The following RARB variants were observed in gnomAD, a reference collection of about 807,000 sequenced individuals.
RARB encodes the protein retinoic acid receptor beta, also known as HBV-activated protein.
In RARB, 17 loss-of-function variants were observed where a neutral mutation model predicts 51.9. That is an observed-to-expected ratio of 0.33 (90% CI 0.22 to 0.49). The LOEUF (loss-of-function observed/expected upper bound fraction) is 0.49, where lower values mean the gene tolerates loss of function less well. Among genes scored for constraint, RARB ranks in the 20% least tolerant of loss-of-function variants. RARB has a pLI of 0.99. For synonymous variants in RARB, 215 were observed against 195.4 expected, an observed-to-expected ratio of 1.10 and a Z score of -0.84; for missense variants, 369 against 550.8, an observed-to-expected ratio of 0.67 and a Z score of 3.30.
intron 2 of RARB, among the ~76,000 whole-genome samples, chr3:24,985,543 A>C (rs1696770308): frequency 1.3e-5 from 2 of 152,202 alleles, no homozygotes; most frequent in South Asian, 4.1e-4. Flanking sequence ...GGAAAAATTT[A>C]AAGGAGGATC....
At chr3:24,850,235 A>C (rs1306935490) in intron 1 of RARB, among the ~76,000 whole-genome samples, 2 of 152,174 alleles carry the variant, frequency 1.3e-5, no homozygotes, top group African/African-American at 4.8e-5. Context: ...TTTCCACCAC[A>C]TGAATTTTCA....
chr3:25,182,836 G>T (rs1178261028), intron 5 of RARB, among the ~76,000 whole-genome samples: 2 of 152,174 alleles, frequency 1.3e-5, no homozygotes, highest in East Asian at 3.9e-4. Context: ...GAGGTTATTA[G>T]GGTGAGCCCT....
intron 4 of RARB, among the ~76,000 whole-genome samples, chr3:25,575,680 A>C: frequency 6.6e-6 from 1 of 151,760 alleles, no homozygotes. Flanking sequence ...CCAGATTTCC[A>C]CATTTTTTTT....
chr3:25,010,311 T>C (rs1445122915), intron 2 of RARB, among the ~76,000 whole-genome samples: 1 of 152,106 alleles, frequency 6.6e-6, no homozygotes, highest in Non-Finnish European at 1.5e-5. Flanking sequence ...GTACAAATTA[T>C]AAGAATTTTT....
intron 2 of RARB, among the ~76,000 whole-genome samples, chr3:24,882,717 A>G (rs1244602811): frequency 6.6e-6 from 1 of 152,198 alleles, no homozygotes; most frequent in Non-Finnish European, 1.5e-5. Flanking sequence ...AGAAGCCTTA[A>G]CTTGTTACCC....
chr3:24,987,735 GA>G (rs2125432151), intron 2 of RARB, among the ~76,000 whole-genome samples: 1 of 152,296 alleles, frequency 6.6e-6, no homozygotes, highest in African/African-American at 2.4e-5. Flanking sequence ...TGGGCAAGTT[GA>G]AAATAAGGTA....
chr3:25,493,182 C>T (rs1303198188), intron 2 of RARB, among the ~76,000 whole-genome samples: 2 of 152,070 alleles, frequency 1.3e-5, no homozygotes, highest in Non-Finnish European at 2.9e-5. Context: ...AACTCACTGT[C>T]ATCAAAATAA....
chr3:25,045,466 AG>A (rs1284124891), intron 2 of RARB, among the ~76,000 whole-genome samples: 5 of 152,168 alleles, frequency 3.3e-5, no homozygotes, highest in Middle Eastern at 3.2e-3. Context: ...TGACATTCAA[AG>A]CCAGAGCTCC....
intron 5 of RARB, among the ~76,000 whole-genome samples, chr3:25,405,886 G>A (rs1163853264): frequency 6.6e-6 from 1 of 152,144 alleles, no homozygotes; most frequent in Non-Finnish European, 1.5e-5. Context: ...CTTGGTGGAG[G>A]GGCAGGACAC....
At chr3:25,369,432 C>A (rs984446719) in intron 5 of RARB, among the ~76,000 whole-genome samples, 7 of 152,122 alleles carry the variant, frequency 4.6e-5, no homozygotes, top group African/African-American at 1.7e-4. Context: ...AGATGCTGAT[C>A]CTCAGAGCAG....
intron 3 of RARB, among the ~76,000 whole-genome samples, chr3:25,067,785 T>C (rs1698691533): frequency 1.3e-5 from 2 of 152,192 alleles, no homozygotes; most frequent in South Asian, 4.1e-4. Context: ...ATCTGTTCTT[T>C]TGCAACATTT....
chr3:24,855,746 T>A (rs1702623308), intron 1 of RARB, among the ~76,000 whole-genome samples: 1 of 73,562 alleles, frequency 1.4e-5, no homozygotes, highest in Non-Finnish European at 4.2e-5. Context: ...AAATCTGCAT[T>A]TTTTTTTTTT....
intron 4 of RARB, among the ~76,000 whole-genome samples, chr3:25,166,578 A>G (rs1399020606): frequency 1.3e-5 from 2 of 152,144 alleles, no homozygotes; most frequent in Non-Finnish European, 1.5e-5. Context: ...CTATCACAAG[A>G]CATTGAAAAA....
At chr3:25,099,420 G>A (rs927106862) in intron 3 of RARB, among the ~76,000 whole-genome samples, 83 of 152,090 alleles carry the variant, frequency 5.5e-4, no homozygotes, top group African/African-American at 1.9e-3. Context: ...TGAATGTTCT[G>A]AGTGAAGCAT....
At chr3:24,863,775 T>G (rs1388578601) in intron 2 of RARB, among the ~76,000 whole-genome samples, 3 of 152,040 alleles carry the variant, frequency 2.0e-5, no homozygotes, top group East Asian at 3.9e-4. Flanking sequence ...CTAACACTTT[T>G]CTAATCTTAT....
At chr3:24,908,663 G>GTT (rs59008287) in intron 2 of RARB, among the ~76,000 whole-genome samples, 5,042 of 93,138 alleles carry the variant, frequency 0.054, 679 homozygotes, top group East Asian at 0.12. Flanking sequence ...AACCACAACT[G>GTT]TTTTTTTTTT....
intron 5 of RARB, among the ~76,000 whole-genome samples, chr3:25,306,200 T>A (rs1245061794): frequency 1.3e-5 from 2 of 152,158 alleles, no homozygotes; most frequent in Non-Finnish European, 2.9e-5. Context: ...TGATTGGGTC[T>A]CCGTGGCAGG....
chr3:25,490,145 A>C (rs542054117), intron 2 of RARB, among the ~76,000 whole-genome samples: 1 of 152,306 alleles, frequency 6.6e-6, no homozygotes, highest in South Asian at 2.1e-4. Flanking sequence ...TCCCATTCTC[A>C]TAGACTCTAT....
chr3:25,075,951 G>C (rs1340006393), intron 3 of RARB, among the ~76,000 whole-genome samples: 1 of 152,122 alleles, frequency 6.6e-6, no homozygotes, highest in Non-Finnish European at 1.5e-5. Context: ...GTCTGAAAGA[G>C]AATGCTAGAA....
Sources: allele counts gnomAD v4.1 joint callset (sites outside exome capture counted in the v4.1 genomes callset), GRCh38; gene constraint gnomAD v4.1.1; transcripts MANE v1.5; gene names NCBI Gene and HGNC (gene_info 2026-07-23, HGNC 2026-07-21).